Variants in TRIM44 observed in about 807,000 individuals in gnomAD.
TRIM44 encodes the protein tripartite motif containing 44.
A neutral mutation model predicts 37.4 loss-of-function variants in TRIM44; 13 were observed. The ratio of observed to expected loss-of-function variants is 0.35; its 90% confidence interval spans 0.23 to 0.55. The LOEUF (loss-of-function observed/expected upper bound fraction) is 0.55. Among genes scored for constraint, TRIM44 ranks in the 20% least tolerant of loss-of-function variants. TRIM44 has a pLI of 0.89. For synonymous variants in TRIM44, 175 were observed against 157.2 expected, an observed-to-expected ratio of 1.11 and a Z score of -0.85; for missense variants, 426 against 437.2, an observed-to-expected ratio of 0.97 and a Z score of 0.23.
chr11:35,763,453 A>T (rs1852754514), intron 4 of TRIM44, among the ~76,000 whole-genome samples: 1 of 152,202 alleles, frequency 6.6e-6, no homozygotes, highest in Non-Finnish European at 1.5e-5. Context: ...AGCTAAACTA[A>T]GAGCACTAGC....
At chr11:35,715,603 T>C (rs1188653651) in intron 2 of TRIM44, among the ~76,000 whole-genome samples, 2 of 152,050 alleles carry the variant, frequency 1.3e-5, no homozygotes, top group African/African-American at 4.8e-5. Context: ...TGAAGAAATA[T>C]TCTGGCCACA....
intron 1 of TRIM44, among the ~76,000 whole-genome samples, chr11:35,681,976 T>G (rs1304066338): frequency 8.6e-6 from 1 of 116,302 alleles, no homozygotes; most frequent in African/African-American, 3.5e-5. Context: ...TTTTTTTTTT[T>G]GAAATGCAGT....
At position 35,663,690 on chromosome 11, in the gene TRIM44, TAGGC is replaced by T. The variant is rs757361493; in HGVS notation, c.582_585del (p.Arg194SerfsTer21). 1.2e-6 allele frequency: 2 copies of T among 1,614,106 alleles called. No homozygotes were observed. The highest frequency in any genetic ancestry group is 8.5e-7 in the Non-Finnish European group (1 of 1,180,020). ...ATTTGAGTACCTATTGCCAGGAAGA[TAGGC>T]AGCTCATCTGTGTCCTGTGTCCAGT... is the stretch of plus-strand genomic sequence containing the variant. On this transcript the variant is annotated frameshift_variant, in exon 1 of 5. Transcript: ENST00000299413. LOFTEE classifies it high-confidence loss of function.
intron 1 of TRIM44, among the ~76,000 whole-genome samples, chr11:35,666,339 A>T (rs771845186): frequency 1.3e-5 from 2 of 152,170 alleles, no homozygotes. Flanking sequence ...AGGTCCTTCC[A>T]TCTTGTCCTA....
chr11:35,778,731 C>T (rs1841768852), intron 4 of TRIM44, among the ~76,000 whole-genome samples: 1 of 152,180 alleles, frequency 6.6e-6, no homozygotes, highest in South Asian at 2.1e-4. Context: ...GAGGTCCACT[C>T]CAGTCCCTGT....
At chr11:35,706,781 C>T (rs1851889813) in intron 2 of TRIM44, among the ~76,000 whole-genome samples, 1 of 151,840 alleles carries the variant, frequency 6.6e-6, no homozygotes, top group Non-Finnish European at 1.5e-5. Context: ...TAAGAGCTAT[C>T]TTTGACAAAC....
At chr11:35,766,013 A>G (rs1852794409) in intron 4 of TRIM44, among the ~76,000 whole-genome samples, 1 of 152,198 alleles carries the variant, frequency 6.6e-6, no homozygotes, top group South Asian at 2.1e-4. Flanking sequence ...CCTGGTGGAG[A>G]CAGGAGTAGG....
At chr11:35,715,247 A>C (rs1442121740) in intron 2 of TRIM44, among the ~76,000 whole-genome samples, 1 of 152,190 alleles carries the variant, frequency 6.6e-6, no homozygotes, top group Non-Finnish European at 1.5e-5. Context: ...GTGGTTAGAC[A>C]TCCATCTCTC....
chr11:35,713,814 T>C (rs1010435424), intron 2 of TRIM44, among the ~76,000 whole-genome samples: 1 of 152,100 alleles, frequency 6.6e-6, no homozygotes, highest in African/African-American at 2.4e-5. Context: ...AGTTGTGAGA[T>C]TGAGGAGCCA....
intron 4 of TRIM44, among the ~76,000 whole-genome samples, chr11:35,752,797 C>T (rs1018784389): frequency 1.3e-5 from 2 of 152,150 alleles, no homozygotes; most frequent in South Asian, 2.1e-4. Flanking sequence ...TCACATGACT[C>T]GTTCTCTCGC....
intron 2 of TRIM44, among the ~76,000 whole-genome samples, chr11:35,707,352 A>G (rs1851900273): frequency 6.6e-6 from 1 of 152,190 alleles, no homozygotes; most frequent in Non-Finnish European, 1.5e-5. Flanking sequence ...GGTAATTTAT[A>G]GATTCAATGC....
At chr11:35,743,691 A>G (rs778080151) in intron 4 of TRIM44, among the ~76,000 whole-genome samples, 1 of 152,148 alleles carries the variant, frequency 6.6e-6, no homozygotes, top group Non-Finnish European at 1.5e-5. Context: ...CTGATATTCT[A>G]TTCCATCATT....
At position 35,813,445 on chromosome 11, in the gene TRIM44, C is replaced by T. The variant is rs1289578900; in HGVS notation, c.*7060C>T. ...GGCCATACATCTAGTCATCAGGCAC[C>T]TCCTCAGAACCTATTTGCTCTTCCT... On this transcript the variant is annotated 3_prime_UTR_variant, in exon 5 of 5. Coordinates refer to ENST00000299413, the MANE Select transcript of TRIM44 (RefSeq NM_017583.6). The T allele has an allele frequency of 1.3e-5, 2 of 152,148 alleles. No individual in the cohort carries two copies. Among genetic ancestry groups the T allele is most frequent in the East Asian group, 3.9e-4 (2 of 5,194 alleles). 9.4% of individuals were successfully genotyped at this position (152,148 alleles called of 1,614,324 possible). A position where few individuals can be genotyped will look rare whatever the true frequency, so the allele number is the denominator to read the frequency against.
intron 4 of TRIM44, among the ~76,000 whole-genome samples, chr11:35,788,468 A>G (rs1240550653): frequency 1.3e-5 from 2 of 152,166 alleles, no homozygotes; most frequent in Non-Finnish European, 2.9e-5. Flanking sequence ...AGCCTCTAGT[A>G]TGGCGTTATA....
At position 35,663,146 on chromosome 11, in the gene TRIM44, T is replaced by A; in HGVS notation, c.35T>A (p.Leu12Gln). The change falls in exon 1 of 5, where the codon CTG becomes CAG. Residue 12 changes from leucine (L) to glutamine (Q), a missense_variant. By Grantham distance (113) the Leu-to-Gln change is moderately radical (BLOSUM62 -2). Coordinates refer to ENST00000299413, the MANE Select transcript of TRIM44 (RefSeq NM_017583.6). ...ASGVGAAFEE[L>Q]PHDGTCDECE... The stretch of plus-strand genomic sequence containing the variant: ...GGAGTGGGCGCGGCCTTCGAGGAAC[T>A]GCCTCACGACGGCACGTGTGACGAG... 2 of 1,540,220 alleles carry A rather than the reference T, an allele frequency of 1.3e-6. No homozygotes were observed. Among genetic ancestry groups the A allele is most frequent in the East Asian group, 2.3e-5 (1 of 44,262 alleles).
rs555013880 is a variant in TRIM44 at position 35,779,082 on chromosome 11, A to G, written c.1008-27276A>G. Among the ~76,000 whole-genome samples, 281 of 152,292 alleles carry G rather than the reference A, an allele frequency of 1.8e-3. 2 individuals carry two copies. The highest frequency in any genetic ancestry group is 6.5e-3 in the African/African-American group (270 of 41,556). ...AGGCAGGCAGGCCTCCTTGAGCTGC[A>G]GTGGGCTCTACCCAGTTCGAGCTTC... On this transcript the variant is annotated intron_variant, in intron 4 of 4. Transcript: ENST00000299413.
intron 2 of TRIM44, among the ~76,000 whole-genome samples, chr11:35,685,791 G>A (rs1851569316): frequency 1.3e-5 from 2 of 152,326 alleles, no homozygotes; most frequent in South Asian, 4.1e-4. Flanking sequence ...AGCCTCCTGA[G>A]TAGCTGGGAT....
chr11:35,700,551 A>G (rs888538320), intron 2 of TRIM44, among the ~76,000 whole-genome samples: 12 of 152,304 alleles, frequency 7.9e-5, no homozygotes, highest in Middle Eastern at 3.4e-3. Context: ...CTTTTGGTGC[A>G]TACATTTCCT....
chr11:35,758,628 T>G (rs1852680794), intron 4 of TRIM44, among the ~76,000 whole-genome samples: 1 of 152,252 alleles, frequency 6.6e-6, no homozygotes, highest in African/African-American at 2.4e-5. Context: ...GTTTTTGCAG[T>G]GGCTGGTACT....
Sources: allele counts gnomAD v4.1 joint callset (sites outside exome capture counted in the v4.1 genomes callset), GRCh38; gene constraint gnomAD v4.1.1; transcripts MANE v1.5; gene names NCBI Gene and HGNC (gene_info 2026-07-23, HGNC 2026-07-21).